TPCN1: variants seen among roughly 807,000 people sequenced by gnomAD.
TPCN1 encodes two pore channel protein 1.
TPCN1 carries 52 observed loss-of-function variants against 108.8 expected under a neutral mutation model. The ratio of observed to expected loss-of-function variants is 0.48; its 90% CI spans 0.38 to 0.60. TPCN1 has a LOEUF of 0.60. Ranked by LOEUF, TPCN1 falls within the 20% of genes least tolerant of loss-of-function variation. The pLI, the probability that TPCN1 is intolerant of heterozygous loss-of-function variation, is 0.00. For missense variants in TPCN1, 806 were observed against 1,072.8 expected (o/e 0.75, Z 3.47); for synonymous variants, 446 against 433.7 (o/e 1.03, Z -0.35).
chr12:113,262,227 A>G (rs1195652282), intron 3 of TPCN1, among the ~76,000 whole-genome samples: 1 of 152,258 alleles, frequency 6.6e-6, no homozygotes, highest in East Asian at 1.9e-4. Flanking sequence ...CCTGGGCAAC[A>G]TGGCAGAACC....
At chr12:113,229,311 T>C (rs1953588926) in intron 2 of TPCN1, among the ~76,000 whole-genome samples, 1 of 152,236 alleles carries the variant, frequency 6.6e-6, no homozygotes, top group South Asian at 2.1e-4. Context: ...CCTCAATGAC[T>C]TGTGGGTGTA....
At chr12:113,290,079 A>G in intron 21 of TPCN1, 49 bp from the exon 22 acceptor site, 1 of 1,213,894 alleles carries the variant, frequency 8.2e-7, no homozygotes, top group Non-Finnish European at 1.2e-6. Context: ...TCTGGAGGTG[A>G]CTGATCGCCT....
chr12:113,233,020 G>A (rs1429132180), intron 2 of TPCN1, among the ~76,000 whole-genome samples: 2 of 152,208 alleles, frequency 1.3e-5, no homozygotes, highest in African/African-American at 4.8e-5. Context: ...CACCAAGGCA[G>A]AGCGTCGGGT....
chr12:113,269,012 T>A lies in TPCN1; in HGVS notation c.659+140T>A. The A allele has an allele frequency of 1.0e-6, 1 of 978,038 alleles. No individual in the cohort carries two copies. Among genetic ancestry groups the A allele is most frequent in the Non-Finnish European group, 1.5e-6 (1 of 653,182 alleles). The allele number at this position is 978,038 out of a possible 1,614,324, so 60.6% of individuals were successfully genotyped here. On this transcript the variant is annotated intron_variant, in intron 6 of 27. Transcript: ENST00000335509. The surrounding 1 kb of genome is among the most constrained non-coding windows in gnomAD (Gnocchi z 5.0). ...GGAGTACACGCAGACTCACTCTCCC[T>A]CTGCCATTCCATCCACGCACAGGAG...
In TPCN1 at chr12:113,232,337, C is replaced by T. The variant is rs1211527866; in HGVS notation, c.112+5373C>T. On this transcript the variant is annotated intron_variant, in intron 2 of 27. Coordinates refer to ENST00000335509, the MANE Select transcript of TPCN1 (RefSeq NM_017901.6). The surrounding 1 kb of genome is among the most constrained non-coding windows in gnomAD (Gnocchi z 5.6). ...GGGGCCCCCATGTGGCACCCTGGTCCCCTTTTCAGGGTCTTCATGCAGCCA... is the reference window on the plus strand; with the variant it reads ...GGGGCCCCCATGTGGCACCCTGGTCTCCTTTTCAGGGTCTTCATGCAGCCA... 9.8e-5 allele frequency among the ~76,000 whole-genome samples: 15 copies of T among 152,348 alleles called. No homozygotes were observed. Among genetic ancestry groups the T allele is most frequent in the Non-Finnish European group, 1.5e-5 (1 of 68,018 alleles).
intron 2 of TPCN1, among the ~76,000 whole-genome samples, chr12:113,259,184 C>T (rs1033872012): frequency 1.3e-5 from 2 of 152,092 alleles, no homozygotes; most frequent in African/African-American, 4.8e-5. Flanking sequence ...GTCATGTTGG[C>T]CATGCTGGTC....
chr12:113,255,446 C>T (rs1954797173), intron 2 of TPCN1, among the ~76,000 whole-genome samples: 1 of 151,952 alleles, frequency 6.6e-6, no homozygotes, highest in Admixed American at 6.6e-5. Context: ...TTAAGAGTCT[C>T]CCCAATAGAT....
intron 2 of TPCN1, among the ~76,000 whole-genome samples, chr12:113,236,157 G>A (rs77255906): frequency 0.031 from 4,689 of 152,308 alleles, 130 homozygotes; most frequent in Middle Eastern, 0.075. Context: ...ATGCTGCCCT[G>A]GCAAGAGCAG....
intron 2 of TPCN1, among the ~76,000 whole-genome samples, chr12:113,243,814 G>A (rs1954242233): frequency 6.6e-6 from 1 of 152,118 alleles, no homozygotes; most frequent in South Asian, 2.1e-4. Flanking sequence ...TGTTCTCAAG[G>A]CAATGTTTGC....
At chr12:113,279,095 T>C (rs909315010) in intron 14 of TPCN1, among the ~76,000 whole-genome samples, 21 of 151,842 alleles carry the variant, frequency 1.4e-4, no homozygotes, top group African/African-American at 5.1e-4. Context: ...TATTTTTCTT[T>C]TTTCATACAA....
intron 2 of TPCN1, among the ~76,000 whole-genome samples, chr12:113,239,429 G>A (rs1446781485): frequency 6.6e-6 from 1 of 152,194 alleles, no homozygotes; most frequent in Non-Finnish European, 1.5e-5. Context: ...GTTTTACACA[G>A]CTGTGCCTCT....
Position 113,269,984 on chromosome 12 carries a change from T to C in TPCN1, c.748+139T>C. 1 of 846,662 alleles carries C rather than the reference T, an allele frequency of 1.2e-6. No individual in the cohort carries two copies. Among genetic ancestry groups the C allele is most frequent in the Non-Finnish European group, 1.9e-6 (1 of 533,684 alleles). 52.4% of individuals were successfully genotyped at this position (846,662 alleles called of 1,614,324 possible). On this transcript the variant is annotated intron_variant, in intron 7 of 27. Coordinates refer to ENST00000335509, the MANE Select transcript of TPCN1 (RefSeq NM_017901.6). The surrounding 1 kb of genome is among the most constrained non-coding windows in gnomAD (Gnocchi z 5.0). Reference sequence around the variant, plus strand: ...GGCCAAGGTGGGTGGGTAACCTAGGTCAGGAGTTTGAGGCCAGCCTGGTCA... The same window carrying C: ...GGCCAAGGTGGGTGGGTAACCTAGGCCAGGAGTTTGAGGCCAGCCTGGTCA...
In TPCN1 at chr12:113,268,671, C is replaced by G; in HGVS notation, c.529-71C>G. 2 of 1,585,630 alleles carry G rather than the reference C, an allele frequency of 1.3e-6. No homozygotes were observed. Among genetic ancestry groups the G allele is most frequent in the Non-Finnish European group, 1.7e-6 (2 of 1,166,184 alleles). On this transcript the variant is annotated intron_variant, in intron 5 of 27. Coordinates refer to ENST00000335509, the MANE Select transcript of TPCN1 (RefSeq NM_017901.6). This position sits in a 1 kb window ranked among gnomAD's most constrained non-coding sequence, Gnocchi z 7.3. ...CAGAGTGGGCACTGCCTCTCCAGCC[C>G]CCCGTTCCAGGTATGCAGGATGACG...
chr12:113,297,728 C>G lies in TPCN1; in HGVS notation c.*1652C>G, dbSNP rs1391107637. ...CCCCGGGAGTCAGACTGGCTTTGTC[C>G]TCTTCCTCTCTGGAGGGCCATGGGC... On this transcript the variant is annotated 3_prime_UTR_variant, in exon 28 of 28. Coordinates refer to ENST00000335509, the MANE Select transcript of TPCN1 (RefSeq NM_017901.6). This position sits in a 1 kb window ranked among gnomAD's most constrained non-coding sequence, Gnocchi z 4.4. The G allele has an allele frequency of 1.3e-5, 2 of 152,398 alleles. No homozygotes were observed. Among genetic ancestry groups the G allele is most frequent in the Non-Finnish European group, 2.9e-5 (2 of 68,086 alleles). 9.4% of individuals were successfully genotyped at this position (152,398 alleles called of 1,614,324 possible).
At chr12:113,275,721 C>T (rs921946475) in intron 10 of TPCN1, among the ~76,000 whole-genome samples, 12 of 151,934 alleles carry the variant, frequency 7.9e-5, no homozygotes, top group African/African-American at 2.7e-4. Context: ...TACAGGCACC[C>T]GCCACCACGC....
rs1953683247 is a variant in TPCN1, at chr12:113,231,434, C to T, written c.112+4470C>T. ...GGACACCAGTCCTATTGGATTAGGG[C>T]TCATCCATATGACCTTGTTTTACCT... On this transcript the variant is annotated intron_variant, in intron 2 of 27. Transcript: ENST00000335509. The surrounding 1 kb of genome is among the most constrained non-coding windows in gnomAD (Gnocchi z 4.3). Among the ~76,000 whole-genome samples the T allele has an allele frequency of 6.6e-6, 1 of 152,214 alleles. No homozygotes were observed. Among genetic ancestry groups the T allele is most frequent in the African/African-American group, 2.4e-5 (1 of 41,458 alleles).
chr12:113,247,026 C>G (rs2136506938), intron 2 of TPCN1, among the ~76,000 whole-genome samples: 1 of 152,302 alleles, frequency 6.6e-6, no homozygotes, highest in East Asian at 1.9e-4. Flanking sequence ...GAGGTCAGAA[C>G]AAGGCACCAG....
In TPCN1 at chr12:113,245,989, G is replaced by GCAGC. The variant is rs1318208273; in HGVS notation, c.113-14374_113-14371dup. Reference sequence around the variant, plus strand: ...GGTCATTTCCGATGTGGCGTGCAAAGCAGCCAGCTGTTTCGAGGGAGCGTC... The same window carrying GCAGC: ...GGTCATTTCCGATGTGGCGTGCAAAGCAGCCAGCCAGCTGTTTCGAGGGAGCGTC... On this transcript the variant is annotated intron_variant, in intron 2 of 27. Transcript: ENST00000335509. 95 of 456,146 alleles carry GCAGC rather than the reference G, an allele frequency of 2.1e-4. 1 individual carries two copies. The highest frequency in any genetic ancestry group is 1.8e-3 in the African/African-American group (89 of 50,210). The allele number at this position is 456,146 out of a possible 1,614,324, so 28.3% of individuals were successfully genotyped here. A position where few individuals can be genotyped will look rare whatever the true frequency, so the allele number is the denominator to read the frequency against.
Position 113,269,700 on chromosome 12 carries a change from G to A in TPCN1, c.660-57G>A. The A allele has an allele frequency of 1.3e-6, 2 of 1,492,498 alleles. No homozygotes were observed. Among genetic ancestry groups the A allele is most frequent in the East Asian group, 2.3e-5 (1 of 44,238 alleles). The allele number at this position is 1,492,498 out of a possible 1,614,324, so 92.5% of individuals were successfully genotyped here. On this transcript the variant is annotated intron_variant, in intron 6 of 27. Coordinates refer to ENST00000335509, the MANE Select transcript of TPCN1 (RefSeq NM_017901.6). This position sits in a 1 kb window ranked among gnomAD's most constrained non-coding sequence, Gnocchi z 5.0. ...TAGGCCTCCATCTCAACAAGGAGGA[G>A]TCCCAGGCAGCCCGCCCCAGCTGGT...
Sources: gnomAD v4.1 joint callset for allele counts (sites outside exome capture counted in the v4.1 genomes callset) on GRCh38, gnomAD v4.1.1 for gene constraint, Gnocchi (gnomAD v3.1) non-coding constraint, MANE v1.5 for transcripts, NCBI Gene and HGNC (gene_info 2026-07-23, HGNC 2026-07-21) for gene names.